SYTL1: variants seen among roughly 807,000 people sequenced by gnomAD.
SYTL1 encodes the protein synaptotagmin like 1, also known as synaptotagmin-like protein 1.
Under a neutral mutation model 74.6 loss-of-function variants are expected in SYTL1, and 53 were observed. That is an observed-to-expected ratio of 0.71 (90% CI 0.57 to 0.89). The LOEUF (loss-of-function observed/expected upper bound fraction) is 0.89. Among genes scored for constraint, SYTL1 ranks in the 40% least tolerant of loss-of-function variants. The pLI is 0.00. For synonymous variants in SYTL1, 329 were observed against 324.9 expected, an observed-to-expected ratio of 1.01 and a Z score of -0.14; for missense variants, 728 against 768.7, an observed-to-expected ratio of 0.95 and a Z score of 0.63.
At chr1:27,353,531 T>A in intron 14 of SYTL1, 43 bp downstream of exon 14, 1 of 1,566,096 alleles carries the variant, frequency 6.4e-7, no homozygotes, top group African/African-American at 1.3e-5. Context: ...GGACAGGCCC[T>A]GGGAGATGGG....
Position 27,345,558 on chromosome 1 carries a change from C to G in SYTL1, c.191+33C>G, listed in dbSNP as rs1408102911. 1.4e-6 allele frequency: 2 copies of G among 1,462,418 alleles called. No individual in the cohort carries two copies. Among genetic ancestry groups the G allele is most frequent in the Non-Finnish European group, 1.9e-6 (2 of 1,078,316 alleles). 90.6% of individuals were successfully genotyped at this position (1,462,418 alleles called of 1,614,324 possible). ...AGGGCAGACCCTGGCCGGGGAGCAC[C>G]AAGAGGCTTGAGTGGCCCCCATCCT... On this transcript the variant is annotated intron_variant, in intron 2 of 14. Coordinates refer to ENST00000616558, the MANE Select transcript of SYTL1 (RefSeq NM_001193308.2). This position sits in a 1 kb window ranked among gnomAD's most constrained non-coding sequence, Gnocchi z 6.0.
chr1:27,351,267 T>G lies in SYTL1; in HGVS notation c.1174T>G (p.Ser392Ala). The change falls in exon 12 of 15, where the codon TCT (serine) becomes GCT (alanine). Residue 392 changes from serine to alanine, a missense_variant. By Grantham distance (99) the Ser-to-Ala change is moderately conservative. Coordinates refer to ENST00000616558, the MANE Select transcript of SYTL1 (RefSeq NM_001193308.2). This position sits in a 1 kb window ranked among gnomAD's most constrained non-coding sequence, Gnocchi z 5.0. ...AGCCCGCCTCTCGCAGGTCCCACCC[T>G]CTCCCGACGACCTTCCGAGCCGCGG... The part of the protein sequence containing the change: ...WLPLQPRVPP[S>A]PDDLPSRGLL... 1 of 1,558,422 alleles carries G rather than the reference T, an allele frequency of 6.4e-7. No homozygotes were observed. The highest frequency in any genetic ancestry group is 8.7e-7 in the Non-Finnish European group (1 of 1,152,512).
rs140200316 is a variant in SYTL1 at position 27,347,570 on chromosome 1, G to C, written c.340+1G>C. 2 of 1,613,746 alleles carry C rather than the reference G, an allele frequency of 1.2e-6. No homozygotes were observed. The highest frequency in any genetic ancestry group is 1.7e-6 in the Non-Finnish European group (2 of 1,179,962). ...ATGCGCAGGAAGAAGAGCACCAGGG[G>C]TGAGAGGAGATCCTCGGGGCAGGGC... On this transcript the variant is annotated splice_donor_variant, in intron 3 of 14. Coordinates refer to ENST00000616558, the MANE Select transcript of SYTL1 (RefSeq NM_001193308.2). LOFTEE classifies it high-confidence loss of function. This position sits in a 1 kb window ranked among gnomAD's most constrained non-coding sequence, Gnocchi z 4.9.
At position 27,343,896 on chromosome 1, in the gene SYTL1, C is replaced by T. The variant is rs772509929; in HGVS notation, c.-38-1401C>T. ...TCTAGGTGAACCCATCCGGGTGGGC[C>T]TATCCCCATTGGTGTGCATATGCTG... On this transcript the variant is annotated intron_variant, in intron 1 of 14. Transcript: ENST00000616558. This position sits in a 1 kb window ranked among gnomAD's most constrained non-coding sequence, Gnocchi z 5.2. 1.7e-4 allele frequency among the ~76,000 whole-genome samples: 26 copies of T among 152,122 alleles called. No individual in the cohort carries two copies. Among genetic ancestry groups the T allele is most frequent in the Non-Finnish European group, 3.1e-4 (21 of 68,030 alleles).
chr1:27,351,800 G>T lies in SYTL1; in HGVS notation c.1343+245G>T. ...GAAAAGCTGAGGCTGAGGGCTGCAA[G>T]GGTCCTTCCATAGAGAACCTGGGAG... On this transcript the variant is annotated intron_variant, in intron 13 of 14. Coordinates refer to ENST00000616558, the MANE Select transcript of SYTL1 (RefSeq NM_001193308.2). This position sits in a 1 kb window ranked among gnomAD's most constrained non-coding sequence, Gnocchi z 5.0. 1 of 430,488 alleles carries T rather than the reference G, an allele frequency of 2.3e-6. No homozygotes were observed. Among genetic ancestry groups the T allele is most frequent in the Non-Finnish European group, 4.1e-6 (1 of 244,374 alleles). 26.7% of individuals were successfully genotyped at this position (430,488 alleles called of 1,614,324 possible).
In SYTL1 at chr1:27,348,472, T is replaced by C. The variant is rs563160412; in HGVS notation, c.459+460T>C. On this transcript the variant is annotated intron_variant, in intron 5 of 14. Transcript: ENST00000616558. The surrounding 1 kb of genome is among the most constrained non-coding windows in gnomAD (Gnocchi z 4.1). ...AGCTCACGCCTATAATCCCAGCACT[T>C]TGGGAAGCCGAGATCACCTGAGGTC... Among the ~76,000 whole-genome samples, 3 of 151,738 alleles carry C rather than the reference T, an allele frequency of 2.0e-5. No homozygotes were observed. The South Asian group carries it at 6.3e-4, about 32-fold the overall frequency.
chr1:27,349,578 G>A (rs1456577874), intron 7 of SYTL1, 74 bp from the exon 8 acceptor site: 2 of 1,409,276 alleles, frequency 1.4e-6, no homozygotes, highest in Non-Finnish European at 1.9e-6. Flanking sequence ...AGGGCTGCGA[G>A]CCGCCCGCGA....
In SYTL1 at chr1:27,342,331, A is replaced by C. The variant is rs2014807516; in HGVS notation, c.-39+181A>C. On this transcript the variant is annotated intron_variant, in intron 1 of 14. Transcript: ENST00000616558. This position sits in a 1 kb window ranked among gnomAD's most constrained non-coding sequence, Gnocchi z 4.7. ...ACCAATGGGTCTGTCCCACCGTGTC[A>C]AAACAGCAGAGAAGACCAAACTCCT... 1.8e-5 allele frequency: 18 copies of C among 985,370 alleles called. No homozygotes were observed. The highest frequency in any genetic ancestry group is 1.9e-5 in the Non-Finnish European group (16 of 829,846). 61.0% of individuals were successfully genotyped at this position (985,370 alleles called of 1,614,324 possible).
In SYTL1 at chr1:27,347,953, C is replaced by T. The variant is rs1378045256; in HGVS notation, c.414-14C>T. On this transcript the variant is annotated splice_polypyrimidine_tract_variant and intron_variant, in intron 4 of 14. Coordinates refer to ENST00000616558, the MANE Select transcript of SYTL1 (RefSeq NM_001193308.2). This position sits in a 1 kb window ranked among gnomAD's most constrained non-coding sequence, Gnocchi z 4.9. ...GGGTCCCTCCCTCTGAGAGCGTCCT[C>T]TCCCTACTCCTAGGCTCACCATTGA... 1.2e-6 allele frequency: 2 copies of T among 1,614,168 alleles called. No individual in the cohort carries two copies. The highest frequency in any genetic ancestry group is 4.5e-5 in the East Asian group (2 of 44,884).
Position 27,345,224 on chromosome 1 carries a change from G to C in SYTL1, c.-38-73G>C, listed in dbSNP as rs1365162432. Reference sequence around the variant, plus strand: ...CCATACCCGGCCAAGTGTTTGGGGAGAAAAGGGCTGTTGGTTCTAGGATGT... The same window carrying C: ...CCATACCCGGCCAAGTGTTTGGGGACAAAAGGGCTGTTGGTTCTAGGATGT... On this transcript the variant is annotated intron_variant, in intron 1 of 14. Transcript: ENST00000616558. This position sits in a 1 kb window ranked among gnomAD's most constrained non-coding sequence, Gnocchi z 6.0. 7 of 842,782 alleles carry C rather than the reference G, an allele frequency of 8.3e-6. No individual in the cohort carries two copies. 52.2% of individuals were successfully genotyped at this position (842,782 alleles called of 1,614,324 possible).
Position 27,353,296 on chromosome 1 carries a change from G to A in SYTL1, c.1357G>A (p.Asp453Asn), listed in dbSNP as rs1199033517. 1 of 1,595,198 alleles carries A rather than the reference G, an allele frequency of 6.3e-7. No homozygotes were observed. The highest frequency in any genetic ancestry group is 1.1e-5 in the South Asian group (1 of 87,924). Residue 453 changes from aspartate to asparagine, a missense_variant, in exon 14 of 15, where the codon GAT becomes AAT. Physicochemically the swap from Asp to Asn is conservative, Grantham distance 23. Transcript: ENST00000616558. Reference sequence around the variant, plus strand: ...CCTCCCGCACAGCTTCGTGCTGCCTGATGACAGCCAGGCCAGCCGCCAGCG... The same window carrying A: ...CCTCCCGCACAGCTTCGTGCTGCCTAATGACAGCCAGGCCAGCCGCCAGCG... ...DTYVQCFVLP[D>N]DSQASRQRTR... is the part of the protein sequence containing the mutation.
rs149712123 is a variant in SYTL1 at position 27,345,396 on chromosome 1, C to T, written c.62C>T (p.Ala21Val). 1.3e-5 allele frequency: 20 copies of T among 1,557,054 alleles called. No individual in the cohort carries two copies. The highest frequency in any genetic ancestry group is 3.6e-5 in the South Asian group (3 of 84,242). ...TGGGCTCTGCCCTCCCTCCCCATGG[C>T]GCATGGGCCAAAGCCTGAGACTGAA... ...GLWALPSLPMAHGPKPETEGL... is the reference protein window; with the variant it reads ...GLWALPSLPMVHGPKPETEGL... The change falls in exon 2 of 15, where the codon GCG (alanine) becomes GTG (valine). Residue 21 changes from alanine to valine, a missense_variant. Physicochemically the swap from Ala to Val is moderately conservative, Grantham distance 64. Transcript: ENST00000616558. The surrounding 1 kb of genome is among the most constrained non-coding windows in gnomAD (Gnocchi z 6.0).
rs1167271622 is a variant in SYTL1 at position 27,351,477 on chromosome 1, G to A, written c.1265G>A (p.Gly422Glu). 2 of 1,546,612 alleles carry A rather than the reference G, an allele frequency of 1.3e-6. No homozygotes were observed. Among genetic ancestry groups the A allele is most frequent in the Non-Finnish European group, 8.7e-7 (1 of 1,145,096 alleles). The change falls in exon 13 of 15, where the codon GGG becomes GAG. Residue 422 changes from glycine to glutamate, a missense_variant. Coordinates refer to ENST00000616558, the MANE Select transcript of SYTL1 (RefSeq NM_001193308.2). This position sits in a 1 kb window ranked among gnomAD's most constrained non-coding sequence, Gnocchi z 5.0. ...GSEGAGLPPS[G>E]ELHFWVKEAR... ...GCAGGCGCAGGACTGCCCCCGAGCG[G>A]GGAGCTGCACTTCTGGGTGAAGGAG...
rs769959586 is a variant in SYTL1, at chr1:27,350,189, C to T, written c.908+57C>T. On this transcript the variant is annotated intron_variant, in intron 9 of 14. Coordinates refer to ENST00000616558, the MANE Select transcript of SYTL1 (RefSeq NM_001193308.2). This position sits in a 1 kb window ranked among gnomAD's most constrained non-coding sequence, Gnocchi z 6.3. Reference sequence around the variant, plus strand: ...CTGTCACAGCCCAGCCCACCATTCACAGGGTCTCGGCCTCCTCGTCCTCAT... The same window carrying T: ...CTGTCACAGCCCAGCCCACCATTCATAGGGTCTCGGCCTCCTCGTCCTCAT... 4 of 1,459,418 alleles carry T rather than the reference C, an allele frequency of 2.7e-6. No individual in the cohort carries two copies. The South Asian group carries it at 4.3e-5, about 16-fold the overall frequency. The allele number at this position is 1,459,418 out of a possible 1,614,324, so 90.4% of individuals were successfully genotyped here.
In SYTL1 at chr1:27,350,867, G is replaced by A. The variant is rs769862420; in HGVS notation, c.1079G>A (p.Arg360His). 16 of 1,613,844 alleles carry A rather than the reference G, an allele frequency of 9.9e-6. 1 individual carries two copies. In the South Asian group the frequency reaches 1.8e-4, roughly 18 times the overall value. Residue 360 changes from arginine (R) to histidine (H), a missense_variant, in exon 11 of 15, where the codon CGC becomes CAC. Coordinates refer to ENST00000616558, the MANE Select transcript of SYTL1 (RefSeq NM_001193308.2). The surrounding 1 kb of genome is among the most constrained non-coding windows in gnomAD (Gnocchi z 6.3). ...GTGTGGCACCGCGAAAGCCTGGGTC[G>A]CAACATCTTTCTGGGCGAAGTTGAA... ...LSVWHRESLG[R>H]NIFLGEVEVP...
rs1474926603 is a variant in SYTL1, at chr1:27,351,218, T to C, written c.1165-40T>C. 6.5e-7 allele frequency: 1 copy of C among 1,547,512 alleles called. No individual in the cohort carries two copies. The highest frequency in any genetic ancestry group is 1.4e-5 in the African/African-American group (1 of 73,054). On this transcript the variant is annotated intron_variant, in intron 11 of 14. Transcript: ENST00000616558. This position sits in a 1 kb window ranked among gnomAD's most constrained non-coding sequence, Gnocchi z 5.0. ...AGACCCCACCCTCCTGAGGCCCCTT[T>C]CCATTAGCCCCTGCTCCACGATAAG...
rs755604082 is a variant in SYTL1, at chr1:27,345,042, G to A, written c.-38-255G>A. The A allele has an allele frequency of 1.2e-5, 3 of 243,108 alleles. No individual in the cohort carries two copies. The highest frequency in any genetic ancestry group is 2.4e-5 in the Non-Finnish European group (3 of 126,698). 15.1% of individuals were successfully genotyped at this position (243,108 alleles called of 1,614,324 possible). ...TGCACATGTGTCTGTGTGTTCCATC[G>A]CTGCAGTCCTGTGTGGCCCTACCTC... On this transcript the variant is annotated intron_variant, in intron 1 of 14. Coordinates refer to ENST00000616558, the MANE Select transcript of SYTL1 (RefSeq NM_001193308.2). This position sits in a 1 kb window ranked among gnomAD's most constrained non-coding sequence, Gnocchi z 6.0.
Position 27,351,151 on chromosome 1 carries a change from A to C in SYTL1, c.1165-107A>C. ...TAGGACCCCTAGGTTCTGCCCCTGCAGGCCCCGCCGTCTCTTCTAGCCGCA... is the reference window on the plus strand; with the variant it reads ...TAGGACCCCTAGGTTCTGCCCCTGCCGGCCCCGCCGTCTCTTCTAGCCGCA... On this transcript the variant is annotated intron_variant, in intron 11 of 14. Transcript: ENST00000616558. The surrounding 1 kb of genome is among the most constrained non-coding windows in gnomAD (Gnocchi z 5.0). The C allele has an allele frequency of 1.4e-6, 2 of 1,400,066 alleles. No individual in the cohort carries two copies. The highest frequency in any genetic ancestry group is 1.9e-6 in the Non-Finnish European group (2 of 1,031,834). The allele number at this position is 1,400,066 out of a possible 1,614,324, so 86.7% of individuals were successfully genotyped here.
rs1210196278 is a variant in SYTL1 at position 27,349,070 on chromosome 1, C to T, written c.460-10C>T. ...CCCGTACTGTGACCTCTACCCCTTT[C>T]TTCCTTCAGGGACCTGATTTCCCAT... On this transcript the variant is annotated splice_polypyrimidine_tract_variant and intron_variant, in intron 5 of 14. Transcript: ENST00000616558. The T allele has an allele frequency of 6.2e-7, 1 of 1,610,924 alleles. No homozygotes were observed. The highest frequency in any genetic ancestry group is 1.1e-5 in the South Asian group (1 of 91,008).
Sources: gnomAD v4.1 joint callset for allele counts (sites outside exome capture counted in the v4.1 genomes callset) on GRCh38, gnomAD v4.1.1 for gene constraint, Gnocchi (gnomAD v3.1) non-coding constraint, MANE v1.5 for transcripts, NCBI Gene and HGNC (gene_info 2026-07-23, HGNC 2026-07-21) for gene names.